Variants in SEMA6A observed in about 807,000 individuals in gnomAD.
SEMA6A encodes the protein semaphorin-6A.
In SEMA6A, 25 loss-of-function variants were observed where a neutral mutation model predicts 96.8. That is an observed-to-expected ratio of 0.26 (90% CI 0.19 to 0.36). The LOEUF (loss-of-function observed/expected upper bound fraction) is 0.36, where lower values mean the gene tolerates loss of function less well. Ranked by LOEUF, SEMA6A falls within the 10% of genes least tolerant of loss-of-function variation. The pLI is 1.00. For missense variants in SEMA6A, 1,363 were observed against 1,323.1 expected (o/e 1.03, Z -0.47); for synonymous variants, 612 against 518.0 (o/e 1.18, Z -2.46).
chr5:116,549,025 C>G (rs573485967), intron 1 of SEMA6A, among the ~76,000 whole-genome samples: 1 of 152,266 alleles, frequency 6.6e-6, no homozygotes, highest in Non-Finnish European at 1.5e-5. Context: ...ACTTTTCAGG[C>G]TCTCTGATGA....
chr5:116,503,517 C>CT (rs11305955), intron 2 of SEMA6A, among the ~76,000 whole-genome samples: 46 of 145,616 alleles, frequency 3.2e-4, no homozygotes, highest in Middle Eastern at 3.6e-3. Context: ...GGAGTCCCTT[C>CT]TTTTTTTTTT....
intron 1 of SEMA6A, chr5:116,562,872 C>G: frequency 1.6e-6 from 1 of 635,916 alleles, no homozygotes; most frequent in Non-Finnish European, 3.0e-6. Flanking sequence ...GGAAATAGGA[C>G]AAAGACTCCT....
At chr5:116,452,058 C>G (rs548809156) in intron 18 of SEMA6A, among the ~76,000 whole-genome samples, 16 of 152,022 alleles carry the variant, frequency 1.1e-4, no homozygotes, top group Admixed American at 2.0e-4. Flanking sequence ...TGCCTGGAAG[C>G]CCTGGGCAAG....
intron 1 of SEMA6A, among the ~76,000 whole-genome samples, chr5:116,558,448 C>CTTTTTTT (rs1008671132): frequency 8.6e-5 from 3 of 34,738 alleles, no homozygotes; most frequent in African/African-American, 8.0e-5. Flanking sequence ...TTTAAGGATT[C>CTTTTTTT]TTTTTTTTTT....
chr5:116,447,160 G>T lies in SEMA6A; in HGVS notation c.2546C>A (p.Thr849Lys). Residue 849 changes from threonine to lysine, a missense_variant, in exon 19 of 19, where the codon ACA becomes AAA. Thr to Lys is a moderately conservative substitution (Grantham distance 78). Coordinates refer to ENST00000343348, the MANE Select transcript of SEMA6A (RefSeq NM_020796.5). Reference sequence around the variant, plus strand: ...TTCCTTGATGGTCTTATACTCCAGTGTGGCGGCCTGGTCCTCCAGCGCCAT... The same window carrying T: ...TTCCTTGATGGTCTTATACTCCAGTTTGGCGGCCTGGTCCTCCAGCGCCAT... ...AQMALEDQAA[T>K]LEYKTIKEHL... 2 of 1,614,020 alleles carry T rather than the reference G, an allele frequency of 1.2e-6. No individual in the cohort carries two copies. The highest frequency in any genetic ancestry group is 1.7e-6 in the Non-Finnish European group (2 of 1,179,886).
chr5:116,521,941 T>C (rs1336592427), intron 1 of SEMA6A, among the ~76,000 whole-genome samples: 1 of 152,200 alleles, frequency 6.6e-6, no homozygotes. Context: ...TTAGGCAACA[T>C]TGTGCACATT....
rs1466696798 is a variant in SEMA6A at position 116,446,564 on chromosome 5, G to A, written c.*49C>T. The A allele has an allele frequency of 1.4e-6, 2 of 1,422,076 alleles. No individual in the cohort carries two copies. The highest frequency in any genetic ancestry group is 2.9e-5 in the African/African-American group (2 of 69,136). The allele number at this position is 1,422,076 out of a possible 1,614,324, so 88.1% of individuals were successfully genotyped here. A position where few individuals can be genotyped will look rare whatever the true frequency, so the allele number is the denominator to read the frequency against. The stretch of plus-strand genomic sequence containing the variant: ...TTGAGAACCTTGCTGAGCTGAGCGG[G>A]CACCTCGCCTTGCCTGCTGGTTCGA... On this transcript the variant is annotated 3_prime_UTR_variant, in exon 19 of 19. Coordinates refer to ENST00000343348, the MANE Select transcript of SEMA6A (RefSeq NM_020796.5).
At chr5:116,535,683 C>A (rs1759675439) in intron 1 of SEMA6A, among the ~76,000 whole-genome samples, 1 of 152,164 alleles carries the variant, frequency 6.6e-6, no homozygotes, top group Non-Finnish European at 1.5e-5. Flanking sequence ...TTGAAAGAGG[C>A]AGCACTTTCA....
intron 9 of SEMA6A, 29 bp from the exon 10 acceptor site, chr5:116,486,995 T>A: frequency 6.6e-7 from 1 of 1,517,132 alleles, no homozygotes; most frequent in Non-Finnish European, 9.1e-7. Flanking sequence ...TAGGGAAAAT[T>A]AAATGCATTC....
intron 1 of SEMA6A, chr5:116,536,476 T>C (rs1422125128): frequency 3.3e-5 from 5 of 152,152 alleles, no homozygotes; most frequent in African/African-American, 1.2e-4. Context: ...GTAAGTGGAC[T>C]ATGACCAATC....
intron 6 of SEMA6A, among the ~76,000 whole-genome samples, chr5:116,494,458 G>A (rs1365786061): frequency 2.6e-5 from 4 of 152,148 alleles, no homozygotes; most frequent in Non-Finnish European, 2.9e-5. Context: ...GTTTCTTAAG[G>A]GCGGTGGTAT....
rs1466139903 is a variant in SEMA6A at position 116,445,938 on chromosome 5, C to T, written c.*675G>A. 2.6e-5 allele frequency: 4 copies of T among 152,638 alleles called. No homozygotes were observed. Among genetic ancestry groups the T allele is most frequent in the Non-Finnish European group, 4.4e-5 (3 of 68,038 alleles). 9.5% of individuals were successfully genotyped at this position (152,638 alleles called of 1,614,324 possible). A position where few individuals can be genotyped will look rare whatever the true frequency, so the allele number is the denominator to read the frequency against. On this transcript the variant is annotated 3_prime_UTR_variant, in exon 19 of 19. Transcript: ENST00000343348. Reference sequence around the variant, plus strand: ...AAAGAGTTACTTGCGTTAACGGTCACGTTATTTCATTAAAAGAGAGGAGGA... The same window carrying T: ...AAAGAGTTACTTGCGTTAACGGTCATGTTATTTCATTAAAAGAGAGGAGGA...
At chr5:116,541,960 T>C (rs957166810) in intron 1 of SEMA6A, among the ~76,000 whole-genome samples, 24 of 152,352 alleles carry the variant, frequency 1.6e-4, no homozygotes, top group African/African-American at 4.8e-4. Context: ...AGTTATGAAG[T>C]CTCATGTGCA....
intron 1 of SEMA6A, chr5:116,562,560 A>T: frequency 1.7e-6 from 1 of 598,914 alleles, no homozygotes; most frequent in South Asian, 1.7e-5. Flanking sequence ...CAACGTGCAG[A>T]AATGGCACCT....
At chr5:116,462,039 T>C (rs759629761) in intron 18 of SEMA6A, among the ~76,000 whole-genome samples, 3 of 152,182 alleles carry the variant, frequency 2.0e-5, no homozygotes, top group Non-Finnish European at 4.4e-5. Context: ...CCTTTATTAC[T>C]GTCATCAGGA....
chr5:116,480,774 C>T (rs570251633), intron 11 of SEMA6A, among the ~76,000 whole-genome samples: 15 of 152,224 alleles, frequency 9.9e-5, no homozygotes, highest in African/African-American at 3.1e-4. Flanking sequence ...ACCTGGGGCT[C>T]GCTCAGAGAA....
intron 9 of SEMA6A, 143 bp from the exon 10 acceptor site, chr5:116,487,109 A>G: frequency 1.6e-6 from 1 of 615,458 alleles, no homozygotes; most frequent in East Asian, 2.8e-5. Flanking sequence ...AAAAAAAAAG[A>G]AAGAAAAGAA....
chr5:116,446,575 T>A lies in SEMA6A; in HGVS notation c.*38A>T. On this transcript the variant is annotated 3_prime_UTR_variant, in exon 19 of 19. Coordinates refer to ENST00000343348, the MANE Select transcript of SEMA6A (RefSeq NM_020796.5). ...GCTGAGCTGAGCGGGCACCTCGCCT[T>A]GCCTGCTGGTTCGACACCTGACCCC... The A allele has an allele frequency of 1.4e-6, 2 of 1,448,534 alleles. No homozygotes were observed. The highest frequency in any genetic ancestry group is 1.8e-6 in the Non-Finnish European group (2 of 1,095,234). 89.7% of individuals were successfully genotyped at this position (1,448,534 alleles called of 1,614,324 possible). A position where few individuals can be genotyped will look rare whatever the true frequency, so the allele number is the denominator to read the frequency against.
At chr5:116,573,385 T>C (rs1761318056) in intron 1 of SEMA6A, among the ~76,000 whole-genome samples, 5 of 151,126 alleles carry the variant, frequency 3.3e-5, no homozygotes, top group Admixed American at 3.3e-4. Flanking sequence ...AAGGGCTCGG[T>C]GCTTCAGGAG....
Sources: gnomAD v4.1 joint callset for allele counts (sites outside exome capture counted in the v4.1 genomes callset) on GRCh38, gnomAD v4.1.1 for gene constraint, MANE v1.5 for transcripts, NCBI Gene and HGNC (gene_info 2026-07-23, HGNC 2026-07-21) for gene names.